STXBP5L: variants seen among roughly 807,000 people sequenced by gnomAD.
STXBP5L encodes syntaxin binding protein 5L.
In STXBP5L, 65 loss-of-function variants were observed where a neutral mutation model predicts 144.5. That is an observed-to-expected ratio of 0.45 (90% confidence interval 0.37 to 0.55). The LOEUF is 0.55. Among genes scored for constraint, STXBP5L ranks in the 20% least tolerant of loss-of-function variants. The probability of loss-of-function intolerance (pLI) is 0.00; values close to 1 mark genes in which losing one functional copy is unlikely to be tolerated. For missense variants in STXBP5L, 1,298 were observed against 1,405.5 expected (o/e 0.92, Z 1.22); for synonymous variants, 505 against 469.6 (o/e 1.08, Z -0.97).
At chr3:121,003,675 T>A (rs1239643962) in intron 3 of STXBP5L, among the ~76,000 whole-genome samples, 1 of 152,256 alleles carries the variant, frequency 6.6e-6, no homozygotes, top group African/African-American at 2.4e-5. Context: ...CTAGGGTTTT[T>A]ATGGTTTCAG....
rs2050158400 is a variant in STXBP5L at position 121,254,970 on chromosome 3, CAT to C, written c.1518_1519del (p.Cys507Ter). On this transcript the variant is annotated frameshift_variant, in exon 16 of 27. Transcript: ENST00000471454. LOFTEE classifies it high-confidence loss of function. ...CAGAAGGTAGGAGAAGGAAAACAAA[CAT>C]GTGAAATTGTAGAGGAAGACCCATT... is the stretch of plus-strand genomic sequence containing the variant. The C allele has an allele frequency of 2.5e-6, 4 of 1,613,396 alleles. No homozygotes were observed. Among genetic ancestry groups the C allele is most frequent in the African/African-American group, 1.3e-5 (1 of 74,886 alleles).
chr3:121,045,576 A>G (rs772669335), intron 5 of STXBP5L, 41 bp downstream of exon 5: 20 of 1,563,640 alleles, frequency 1.3e-5, no homozygotes, highest in Middle Eastern at 3.4e-4. Context: ...ATGTACAACA[A>G]AATTATTTCC....
chr3:121,067,078 C>T (rs1053547764), intron 5 of STXBP5L, among the ~76,000 whole-genome samples: 2 of 151,730 alleles, frequency 1.3e-5, no homozygotes, highest in Non-Finnish European at 2.9e-5. Flanking sequence ...AAAAATAAGT[C>T]TTCTGGAGAT....
At chr3:120,940,572 A>G (rs992244005) in intron 2 of STXBP5L, among the ~76,000 whole-genome samples, 1 of 151,866 alleles carries the variant, frequency 6.6e-6, no homozygotes, top group Non-Finnish European at 1.5e-5. Flanking sequence ...GGTCCAGAGT[A>G]GAGAGAAAAT....
chr3:121,054,516 A>G lies in STXBP5L; in HGVS notation c.470+8981A>G, dbSNP rs546196095. Among the ~76,000 whole-genome samples, 8 of 146,714 alleles carry G rather than the reference A, an allele frequency of 5.5e-5. No individual in the cohort carries two copies. In the East Asian group the frequency reaches 1.6e-3, roughly 30 times the overall value. ...AAGAAAGCAAACACCGCATGTTCTC[A>G]TTCACAGGTGGGAATTGAACAATGA... On this transcript the variant is annotated intron_variant, in intron 5 of 26. Coordinates refer to ENST00000471454, the MANE Select transcript of STXBP5L (RefSeq NM_001308330.2).
At chr3:121,060,556 C>T (rs1238662342) in intron 5 of STXBP5L, among the ~76,000 whole-genome samples, 4 of 152,158 alleles carry the variant, frequency 2.6e-5, no homozygotes. Context: ...GATACCAGCT[C>T]CTCTTTGTAC....
At chr3:121,033,797 A>T (rs1340705167) in intron 3 of STXBP5L, among the ~76,000 whole-genome samples, 1 of 151,950 alleles carries the variant, frequency 6.6e-6, no homozygotes, top group African/African-American at 2.4e-5. Context: ...GAGTTTTGTG[A>T]ACATTTGTTA....
chr3:121,032,640 C>CA (rs1220557561), intron 3 of STXBP5L, among the ~76,000 whole-genome samples: 17 of 128,708 alleles, frequency 1.3e-4, no homozygotes, highest in Admixed American at 1.7e-4. Flanking sequence ...AGGCAACCTA[C>CA]AACATGGGAG....
chr3:120,941,762 G>A (rs1363827251), intron 2 of STXBP5L, among the ~76,000 whole-genome samples: 1 of 151,660 alleles, frequency 6.6e-6, no homozygotes. Context: ...CTCAGTGAAG[G>A]GGGCAAATGG....
At chr3:121,416,494 TA>T (rs1307993361) in intron 25 of STXBP5L, among the ~76,000 whole-genome samples, 1 of 145,410 alleles carries the variant, frequency 6.9e-6, no homozygotes, top group Non-Finnish European at 1.5e-5. Context: ...TTTATTTATT[TA>T]TTTATTTATT....
intron 5 of STXBP5L, among the ~76,000 whole-genome samples, chr3:121,100,060 A>C (rs1449403298): frequency 6.6e-6 from 1 of 152,216 alleles, no homozygotes; most frequent in East Asian, 1.9e-4. Flanking sequence ...ACTATCCCAA[A>C]TATATATGCA....
intron 3 of STXBP5L, among the ~76,000 whole-genome samples, chr3:120,995,939 T>G (rs541991840): frequency 6.6e-6 from 1 of 152,232 alleles, no homozygotes; most frequent in Middle Eastern, 3.4e-3. Context: ...CAAGGGTAGG[T>G]TTTACAGAAT....
At chr3:121,087,025 T>G (rs905900722) in intron 5 of STXBP5L, among the ~76,000 whole-genome samples, 3 of 152,100 alleles carry the variant, frequency 2.0e-5, no homozygotes, top group African/African-American at 7.2e-5. Flanking sequence ...TCTAGTTTGA[T>G]TCCATTGTAC....
At chr3:121,092,680 G>T (rs1045597302) in intron 5 of STXBP5L, among the ~76,000 whole-genome samples, 2 of 151,730 alleles carry the variant, frequency 1.3e-5, no homozygotes, top group Non-Finnish European at 2.9e-5. Flanking sequence ...GGCTGAGACA[G>T]TGGGGTTTTC....
intron 2 of STXBP5L, among the ~76,000 whole-genome samples, chr3:120,945,358 T>C (rs1710790636): frequency 6.6e-6 from 1 of 151,874 alleles, no homozygotes. Flanking sequence ...GAATATTCTA[T>C]TCCCTGTTAC....
chr3:121,364,528 G>C (rs1400020345), intron 20 of STXBP5L, among the ~76,000 whole-genome samples: 2 of 150,676 alleles, frequency 1.3e-5, no homozygotes, highest in African/African-American at 4.9e-5. Flanking sequence ...TGAATCCATA[G>C]ATCACTTTGG....
At chr3:121,071,020 G>A (rs1013812603) in intron 5 of STXBP5L, among the ~76,000 whole-genome samples, 1 of 152,178 alleles carries the variant, frequency 6.6e-6, no homozygotes, top group Non-Finnish European at 1.5e-5. Context: ...TCCTGTATGA[G>A]TCCCTGTACA....
intron 3 of STXBP5L, among the ~76,000 whole-genome samples, chr3:121,016,414 C>G (rs1416947305): frequency 6.6e-6 from 1 of 152,090 alleles, no homozygotes; most frequent in Non-Finnish European, 1.5e-5. Flanking sequence ...GGTGGAAACT[C>G]TAAGATTCAA....
In STXBP5L at chr3:120,996,865, C is replaced by T. The variant is rs182967370; in HGVS notation, c.287+41828C>T. Among the ~76,000 whole-genome samples the T allele has an allele frequency of 2.4e-4, 37 of 152,200 alleles. No individual in the cohort carries two copies. The East Asian group carries it at 6.9e-3, about 29-fold the overall frequency. The stretch of plus-strand genomic sequence containing the variant: ...TCAGGTTTGTTACATGGGTAAATTG[C>T]ATGTCATGGGGATTTGGTCTACAGA... On this transcript the variant is annotated intron_variant, in intron 3 of 26. Transcript: ENST00000471454.
Sources: gnomAD v4.1 joint callset for allele counts (sites outside exome capture counted in the v4.1 genomes callset) on GRCh38, gnomAD v4.1.1 for gene constraint, MANE v1.5 for transcripts, NCBI Gene and HGNC (gene_info 2026-07-23, HGNC 2026-07-21) for gene names.